The following AASS variants were observed in gnomAD, a reference collection of about 807,000 sequenced individuals.
AASS encodes the protein aminoadipate-semialdehyde synthase.
AASS carries 86 observed loss-of-function variants against 105.4 expected under a neutral mutation model. The ratio of observed to expected loss-of-function variants is 0.82; its 90% CI spans 0.69 to 0.98. AASS has a LOEUF of 0.98. Ranked by LOEUF, AASS falls within the 50% of genes least tolerant of loss-of-function variation. AASS has a pLI of 0.00. For synonymous variants in AASS, 381 were observed against 394.8 expected (o/e 0.96, Z 0.41); for missense variants, 1,048 against 1,143.2 (o/e 0.92, Z 1.20).
intron 19 of AASS, among the ~76,000 whole-genome samples, chr7:122,084,444 T>C (rs1793522019): frequency 6.6e-6 from 1 of 152,136 alleles, no homozygotes; most frequent in Non-Finnish European, 1.5e-5. Context: ...GAGTAAGAAA[T>C]ATAGTGGTTG....
Position 122,093,091 on chromosome 7 carries a change from T to C in AASS, c.1723A>G (p.Thr575Ala), listed in dbSNP as rs1317598064. The change falls in exon 16 of 24, where the codon ACT becomes GCT. Residue 575 changes from threonine (T) to alanine (A), a missense_variant. Thr to Ala is a moderately conservative substitution (Grantham distance 58, BLOSUM62 0). Transcript: ENST00000417368. ...ACITNKVNMV[T>A]ASYITPALKE... ...AGTGCTGGTGTGATGTAGCTTGCAGTGACCATGTTAACTTTGTTTGTGATG... is the reference window on the plus strand; with the variant it reads ...AGTGCTGGTGTGATGTAGCTTGCAGCGACCATGTTAACTTTGTTTGTGATG... The C allele has an allele frequency of 4.3e-6, 7 of 1,613,916 alleles. No individual in the cohort carries two copies. Among genetic ancestry groups the C allele is most frequent in the African/African-American group, 1.3e-5 (1 of 74,934 alleles).
chr7:122,115,428 A>G (rs1795121410), intron 8 of AASS, among the ~76,000 whole-genome samples: 1 of 152,200 alleles, frequency 6.6e-6, no homozygotes, highest in African/African-American at 2.4e-5. Flanking sequence ...CCTATGATAG[A>G]GAAATATATG....
rs762299894 is a variant in AASS, at chr7:122,113,168, C to T, written c.1228G>A (p.Glu410Lys). The change falls in exon 11 of 24, where the codon GAA becomes AAA. Residue 410 changes from glutamate (E) to lysine (K), a missense_variant. Glu to Lys is a moderately conservative substitution (Grantham distance 56). Transcript: ENST00000417368. ...ATGTCTCCAAAGCATTCTGTAGCTTCAATTGGGAGCTGTGCCGGCAAATTG... is the reference window on the plus strand; with the variant it reads ...ATGTCTCCAAAGCATTCTGTAGCTTTAATTGGGAGCTGTGCCGGCAAATTG... ...IDNLPAQLPIEATECFGDMLY... is the reference protein window; with the variant it reads ...IDNLPAQLPIKATECFGDMLY... 3 of 1,614,036 alleles carry T rather than the reference C, an allele frequency of 1.9e-6. No individual in the cohort carries two copies. The highest frequency in any genetic ancestry group is 2.5e-6 in the Non-Finnish European group (3 of 1,179,966).
At chr7:122,077,721 T>C (rs545417330) in intron 23 of AASS, 117 bp downstream of exon 23, 3 of 1,309,568 alleles carry the variant, frequency 2.3e-6, no homozygotes, top group South Asian at 1.2e-5. Context: ...TCTTCTAAGA[T>C]GGTTCACTTT....
intron 3 of AASS, among the ~76,000 whole-genome samples, chr7:122,128,080 T>G (rs1795737606): frequency 6.6e-6 from 1 of 152,206 alleles, no homozygotes. Context: ...ACTGCTCTCC[T>G]TTTTTCATAT....
At position 122,074,894 on chromosome 7, in the gene AASS, C is replaced by CT; in HGVS notation, c.*1594dup. The stretch of plus-strand genomic sequence containing the variant: ...GTTTTTTTTGAGTCAAGGTCTAACT[C>CT]TGTCATCCAGGCTGGATTGCAGTGA... On this transcript the variant is annotated 3_prime_UTR_variant, in exon 24 of 24. Coordinates refer to ENST00000417368, the MANE Select transcript of AASS (RefSeq NM_005763.4). Among the ~76,000 whole-genome samples, 1 of 152,000 alleles carries CT rather than the reference C, an allele frequency of 6.6e-6. No individual in the cohort carries two copies. The highest frequency in any genetic ancestry group is 2.1e-4 in the South Asian group (1 of 4,816).
Position 122,097,931 on chromosome 7 carries a change from A to G in AASS, c.1655+519T>C, listed in dbSNP as rs533538964. On this transcript the variant is annotated intron_variant, in intron 15 of 23. Transcript: ENST00000417368. The stretch of plus-strand genomic sequence containing the variant: ...GTGACTTATAATAGCCAAAATCCAG[A>G]AACAACCTAAATATCTATAGTAGTC... Among the ~76,000 whole-genome samples the G allele has an allele frequency of 9.3e-4, 141 of 152,148 alleles. 1 individual carries two copies. The highest frequency in any genetic ancestry group is 3.2e-3 in the African/African-American group (131 of 41,552).
At chr7:122,086,841 T>A (rs1793652558) in intron 18 of AASS, among the ~76,000 whole-genome samples, 1 of 152,130 alleles carries the variant, frequency 6.6e-6, no homozygotes, top group Non-Finnish European at 1.5e-5. Context: ...ATAACATGAG[T>A]GATGAAATAA....
chr7:122,095,692 T>C (rs1283002037), intron 15 of AASS, among the ~76,000 whole-genome samples: 1 of 152,022 alleles, frequency 6.6e-6, no homozygotes, highest in African/African-American at 2.4e-5. Context: ...ATTGTGTATG[T>C]CTTTTATCAG....
intron 23 of AASS, 84 bp downstream of exon 23, chr7:122,077,754 C>T: frequency 6.5e-7 from 1 of 1,526,876 alleles, no homozygotes; most frequent in Non-Finnish European, 9.1e-7. Flanking sequence ...GTGTTACGCT[C>T]AAGAGCAATT....
At chr7:122,107,072 CA>C (rs1395910877) in intron 11 of AASS, among the ~76,000 whole-genome samples, 1 of 152,092 alleles carries the variant, frequency 6.6e-6, no homozygotes, top group African/African-American at 2.4e-5. Flanking sequence ...AAAAGCTGGG[CA>C]AAGGACATGA....
intron 1 of AASS, among the ~76,000 whole-genome samples, chr7:122,138,108 A>G (rs571669224): frequency 3.9e-5 from 6 of 152,336 alleles, no homozygotes; most frequent in African/African-American, 1.4e-4. Context: ...TTTCAAATAT[A>G]AAAATGAAAC....
rs906879880 is a variant in AASS at position 122,074,414 on chromosome 7, T to C, written c.*2075A>G. Reference sequence around the variant, plus strand: ...AACTAATACATGATTTTAAAAAAAATTATCTCATTCTGTGGGTTGTATTTT... The same window carrying C: ...AACTAATACATGATTTTAAAAAAAACTATCTCATTCTGTGGGTTGTATTTT... On this transcript the variant is annotated 3_prime_UTR_variant, in exon 24 of 24. Transcript: ENST00000417368. Among the ~76,000 whole-genome samples, 2 of 152,192 alleles carry C rather than the reference T, an allele frequency of 1.3e-5. No homozygotes were observed. Among genetic ancestry groups the C allele is most frequent in the Admixed American group, 6.5e-5 (1 of 15,278 alleles).
chr7:122,079,553 T>C (rs775290505), intron 21 of AASS, 44 bp downstream of exon 21: 1 of 1,402,702 alleles, frequency 7.1e-7, no homozygotes, highest in Admixed American at 1.7e-5. Flanking sequence ...TTAGCAATCA[T>C]TGATCCAGTA....
intron 23 of AASS, among the ~76,000 whole-genome samples, chr7:122,076,947 A>AT (rs990413913): frequency 2.7e-4 from 41 of 151,626 alleles, no homozygotes; most frequent in East Asian, 5.8e-4. Context: ...TGCTAATGTC[A>AT]TTTTTTTTTA....
intron 2 of AASS, among the ~76,000 whole-genome samples, chr7:122,130,463 T>C (rs1341238009): frequency 5.3e-5 from 8 of 151,974 alleles, no homozygotes; most frequent in Non-Finnish European, 8.8e-5. Context: ...TATTAATAAA[T>C]TACATGTACT....
intron 4 of AASS, among the ~76,000 whole-genome samples, chr7:122,122,214 T>TA (rs1186677210): frequency 6.6e-6 from 1 of 152,204 alleles, no homozygotes; most frequent in Non-Finnish European, 1.5e-5. Flanking sequence ...TTATAATTTT[T>TA]ATCAAGATAT....
At chr7:122,078,626 ACT>A (rs1793153143) in intron 22 of AASS, among the ~76,000 whole-genome samples, 2 of 152,042 alleles carry the variant, frequency 1.3e-5, no homozygotes, top group Admixed American at 6.5e-5. Flanking sequence ...TAACTAACTA[ACT>A]AACTAAATAA....
chr7:122,083,125 C>T (rs543805162), intron 19 of AASS, among the ~76,000 whole-genome samples: 10 of 152,154 alleles, frequency 6.6e-5, no homozygotes, highest in Non-Finnish European at 1.0e-4. Flanking sequence ...GTTCCTGTAA[C>T]GTCAGATATT....
Sources: gnomAD v4.1 joint callset for allele counts (sites outside exome capture counted in the v4.1 genomes callset) on GRCh38, gnomAD v4.1.1 for gene constraint, MANE v1.5 for transcripts, NCBI Gene and HGNC (gene_info 2026-07-23, HGNC 2026-07-21) for gene names.